Variants in NT5DC1 observed in about 807,000 individuals in gnomAD.
The protein encoded by NT5DC1 is 5'-nucleotidase domain containing 1.
In NT5DC1, 42 loss-of-function variants were observed where a neutral mutation model predicts 59.4. The ratio of observed to expected loss-of-function variants is 0.71; its 90% CI spans 0.55 to 0.92. The LOEUF (loss-of-function observed/expected upper bound fraction) is 0.92, where lower values mean the gene tolerates loss of function less well. Ranked by LOEUF, NT5DC1 falls within the 40% of genes least tolerant of loss-of-function variation. The probability of loss-of-function intolerance (pLI) is 0.00; values close to 1 mark genes in which losing one functional copy is unlikely to be tolerated. For missense variants in NT5DC1, 501 were observed against 537.1 expected (o/e 0.93, Z 0.66); for synonymous variants, 172 against 188.1 (o/e 0.91, Z 0.70).
At chr6:116,209,580 A>C (rs978574368) in intron 6 of NT5DC1, among the ~76,000 whole-genome samples, 1 of 152,140 alleles carries the variant, frequency 6.6e-6, no homozygotes, top group South Asian at 2.1e-4. Flanking sequence ...AGGGCTCCTC[A>C]TAGAAGGTAA....
intron 8 of NT5DC1, among the ~76,000 whole-genome samples, chr6:116,231,784 A>G (rs1782025157): frequency 6.6e-6 from 1 of 152,378 alleles, no homozygotes; most frequent in South Asian, 2.1e-4. Flanking sequence ...TGTGTAAAAT[A>G]GAATGAAATG....
intron 6 of NT5DC1, among the ~76,000 whole-genome samples, chr6:116,211,693 G>A (rs1034786803): frequency 1.3e-5 from 2 of 152,026 alleles, no homozygotes; most frequent in Non-Finnish European, 2.9e-5. Flanking sequence ...TACAAATTCT[G>A]TACTACCTAT....
chr6:116,118,129 G>T, intron 6 of NT5DC1, 184 bp downstream of exon 6: 1 of 624,392 alleles, frequency 1.6e-6, no homozygotes, highest in Non-Finnish European at 2.9e-6. Context: ...TTCTTTCATG[G>T]CTATAATTGC....
At chr6:116,243,115 A>AT (rs1771769257) in intron 11 of NT5DC1, among the ~76,000 whole-genome samples, 2 of 152,126 alleles carry the variant, frequency 1.3e-5, no homozygotes, top group Non-Finnish European at 2.9e-5. Flanking sequence ...AGTCTAGTTA[A>AT]TTTTTTTGAA....
At chr6:116,194,768 T>C (rs1477890755) in intron 6 of NT5DC1, among the ~76,000 whole-genome samples, 1 of 152,012 alleles carries the variant, frequency 6.6e-6, no homozygotes, top group Non-Finnish European at 1.5e-5. Flanking sequence ...TGACTAAAGG[T>C]AGTGGCTTTT....
intron 6 of NT5DC1, among the ~76,000 whole-genome samples, chr6:116,124,165 C>A (rs1779222522): frequency 6.6e-6 from 1 of 151,900 alleles, no homozygotes; most frequent in South Asian, 2.1e-4. Flanking sequence ...ATTTTAAATT[C>A]CATCTTTCTT....
chr6:116,223,023 G>T lies in NT5DC1; in HGVS notation c.705-11G>T, dbSNP rs981041509. 2 of 1,444,946 alleles carry T rather than the reference G, an allele frequency of 1.4e-6. No individual in the cohort carries two copies. Among genetic ancestry groups the T allele is most frequent in the Non-Finnish European group, 1.9e-6 (2 of 1,033,570 alleles). The allele number at this position is 1,444,946 out of a possible 1,614,324, so 89.5% of individuals were successfully genotyped here. ...TTAAAATAAACTTATGAAAAATTGT[G>T]TTGCTTTTAGGAATGATTTTACAGA... On this transcript the variant is annotated splice_polypyrimidine_tract_variant and intron_variant, in intron 7 of 11. Transcript: ENST00000319550.
At chr6:116,142,836 C>T (rs960789244) in intron 6 of NT5DC1, among the ~76,000 whole-genome samples, 2 of 152,122 alleles carry the variant, frequency 1.3e-5, no homozygotes, top group African/African-American at 4.8e-5. Context: ...AAGTTATTTT[C>T]GTGTTCTGAT....
At chr6:116,207,592 C>T (rs2114520760) in intron 6 of NT5DC1, among the ~76,000 whole-genome samples, 1 of 150,712 alleles carries the variant, frequency 6.6e-6, no homozygotes. Flanking sequence ...TAAAAAATAC[C>T]CAAAATATAT....
intron 1 of NT5DC1, among the ~76,000 whole-genome samples, chr6:116,101,367 C>T (rs185021931): frequency 6.6e-5 from 10 of 152,304 alleles, no homozygotes; most frequent in African/African-American, 2.2e-4. Context: ...CCTTGAAGAT[C>T]TCACGTCGTG....
chr6:116,187,986 C>T (rs567980679), intron 6 of NT5DC1, among the ~76,000 whole-genome samples: 2 of 151,884 alleles, frequency 1.3e-5, no homozygotes, highest in South Asian at 4.2e-4. Flanking sequence ...GTAAAAAAGA[C>T]CTATAAATCA....
chr6:116,194,526 T>C (rs1215508729), intron 6 of NT5DC1, among the ~76,000 whole-genome samples: 2 of 152,030 alleles, frequency 1.3e-5, no homozygotes, highest in Middle Eastern at 3.4e-3. Flanking sequence ...TAAAAATTGA[T>C]TGAACAGATA....
intron 6 of NT5DC1, among the ~76,000 whole-genome samples, chr6:116,178,080 TGTGTGTGTGCGCGC>T (rs1316745538): frequency 1.8e-5 from 2 of 108,986 alleles, no homozygotes; most frequent in African/African-American, 8.9e-5. Flanking sequence ...TGTGTGTGTG[TGTGTGTGTGCGCGC>T]GCGCGCGCGT....
intron 6 of NT5DC1, among the ~76,000 whole-genome samples, chr6:116,193,416 G>C (rs1781161705): frequency 6.6e-6 from 1 of 152,058 alleles, no homozygotes; most frequent in African/African-American, 2.4e-5. Flanking sequence ...TTTGAAAAAT[G>C]AAAACTTGAT....
At chr6:116,227,362 C>T (rs1032014491) in intron 8 of NT5DC1, among the ~76,000 whole-genome samples, 5 of 152,064 alleles carry the variant, frequency 3.3e-5, no homozygotes, top group Admixed American at 3.3e-4. Flanking sequence ...TTTTCTTTAT[C>T]CTTTAATCTG....
Position 116,110,887 on chromosome 6 carries a change from C to T in NT5DC1, c.295C>T (p.Leu99=), listed in dbSNP as rs570646714. 5.6e-6 allele frequency: 9 copies of T among 1,614,088 alleles called. No individual in the cohort carries two copies. In the Admixed American group the frequency reaches 1.3e-4, roughly 24 times the overall value. Residue 99 remains leucine, a synonymous_variant, in exon 4 of 12, where the codon CTG becomes TTG. Coordinates refer to ENST00000319550, the MANE Select transcript of NT5DC1 (RefSeq NM_152729.3). ...HGTKMMTPEV[L]AEAYGKKEWK... ...CACCAAGATGATGACTCCAGAGGTG[C>T]TGGCAGAGGCATATGGCAAGAAAGA...
chr6:116,214,634 C>T (rs1217452592), intron 6 of NT5DC1, among the ~76,000 whole-genome samples: 2 of 152,034 alleles, frequency 1.3e-5, no homozygotes, highest in East Asian at 3.9e-4. Flanking sequence ...TTTTTGAAAG[C>T]ATTCTGGATA....
intron 6 of NT5DC1, among the ~76,000 whole-genome samples, chr6:116,172,802 T>A (rs1780641698): frequency 6.6e-6 from 1 of 152,208 alleles, no homozygotes; most frequent in South Asian, 2.1e-4. Flanking sequence ...ATCTGGATGT[T>A]TGGAATTCTT....
At chr6:116,201,315 AT>A (rs1336447495) in intron 6 of NT5DC1, among the ~76,000 whole-genome samples, 1 of 152,032 alleles carries the variant, frequency 6.6e-6, no homozygotes, top group African/African-American at 2.4e-5. Flanking sequence ...CACCACCTTT[AT>A]TTCAGTGAAC....
Sources: allele counts gnomAD v4.1 joint callset (sites outside exome capture counted in the v4.1 genomes callset), GRCh38; gene constraint gnomAD v4.1.1; transcripts MANE v1.5; gene names NCBI Gene and HGNC (gene_info 2026-07-23, HGNC 2026-07-21).